TARS3: variants seen among roughly 807,000 people sequenced by gnomAD.
TARS3 encodes threonyl-tRNA synthetase 3, also known as threonine--tRNA ligase 2, cytoplasmic.
In TARS3, 94 loss-of-function variants were observed where a neutral mutation model predicts 103.5. The observed-to-expected ratio is 0.91, with a 90% CI of 0.77 to 1.08. TARS3 has a LOEUF of 1.08. TARS3 is among the 50% of genes least tolerant of loss of function. The pLI, the probability that TARS3 is intolerant of heterozygous loss-of-function variation, is 0.00. For missense variants in TARS3, 952 were observed against 995.2 expected, an observed-to-expected ratio of 0.96 and a Z score of 0.58; for synonymous variants, 416 against 355.4, an observed-to-expected ratio of 1.17 and a Z score of -1.92.
intron 12 of TARS3, among the ~76,000 whole-genome samples, chr15:101,679,228 C>A (rs771766057): frequency 6.6e-5 from 10 of 152,138 alleles, no homozygotes; most frequent in Non-Finnish European, 1.3e-4. Context: ...TTTTCACTCC[C>A]ACCTTCAGTC....
At chr15:101,665,119 A>G (rs1897530999) in intron 15 of TARS3, among the ~76,000 whole-genome samples, 2 of 152,250 alleles carry the variant, frequency 1.3e-5, no homozygotes, top group African/African-American at 4.8e-5. Flanking sequence ...AAATACCAAA[A>G]GGTCTAATAT....
At chr15:101,678,022 C>T (rs1312470886) in intron 12 of TARS3, among the ~76,000 whole-genome samples, 1 of 150,888 alleles carries the variant, frequency 6.6e-6, no homozygotes, top group Non-Finnish European at 1.5e-5. Flanking sequence ...TCACTGTCAC[C>T]CAGGCTGGAG....
intron 13 of TARS3, among the ~76,000 whole-genome samples, chr15:101,672,052 C>T (rs975063303): frequency 3.9e-5 from 6 of 152,084 alleles, no homozygotes; most frequent in Admixed American, 3.9e-4. Context: ...AACACAGGCC[C>T]CCTGTGCCCT....
At chr15:101,682,763 C>T (rs1473661791) in intron 12 of TARS3, among the ~76,000 whole-genome samples, 1 of 152,100 alleles carries the variant, frequency 6.6e-6, no homozygotes, top group Admixed American at 6.5e-5. Flanking sequence ...CCATCTTGGC[C>T]TGGAGTTTTC....
intron 12 of TARS3, among the ~76,000 whole-genome samples, chr15:101,677,833 T>C (rs536145533): frequency 6.6e-6 from 1 of 151,792 alleles, no homozygotes; most frequent in South Asian, 2.1e-4. Flanking sequence ...GGTTTCTCCA[T>C]GTTAGTCAGT....
intron 12 of TARS3, among the ~76,000 whole-genome samples, chr15:101,679,804 ACAGTTACTGG>A (rs1898184625): frequency 1.3e-5 from 2 of 152,172 alleles, no homozygotes; most frequent in South Asian, 4.1e-4. Flanking sequence ...ACAGTACTGG[ACAGTTACTGG>A]CAAGTGGGAA....
In TARS3 at chr15:101,701,091, T is replaced by G; in HGVS notation, c.1315A>C (p.Ile439Leu). ...AFIYNTLTDF[I>L]REEYHKRDFT... ...ACATTTTAAAGTTAACTTACTCGTATGAAATCTGTAAGCGTATTATAAATG... is the reference window on the plus strand; with the variant it reads ...ACATTTTAAAGTTAACTTACTCGTAGGAAATCTGTAAGCGTATTATAAATG... Residue 439 changes from isoleucine (I) to leucine (L), a missense_variant, in exon 10 of 19, where the codon ATA (isoleucine) becomes CTA (leucine). This residue lies in a region of TARS3 where 540 missense variants were observed against 631.0 expected (regional missense o/e 0.86). Coordinates refer to ENST00000335968, the MANE Select transcript of TARS3 (RefSeq NM_152334.3). The G allele has an allele frequency of 6.5e-7, 1 of 1,542,126 alleles. No individual in the cohort carries two copies. Among genetic ancestry groups the G allele is most frequent in the South Asian group, 1.3e-5 (1 of 78,838 alleles).
intron 5 of TARS3, among the ~76,000 whole-genome samples, chr15:101,710,949 G>A (rs951968763): frequency 1.3e-5 from 2 of 152,168 alleles, no homozygotes; most frequent in African/African-American, 4.8e-5. Flanking sequence ...GGCAGTTGGA[G>A]GTACCCTAGG....
At chr15:101,691,106 T>G (rs1032832292) in intron 10 of TARS3, among the ~76,000 whole-genome samples, 1 of 150,516 alleles carries the variant, frequency 6.6e-6, no homozygotes, top group Non-Finnish European at 1.5e-5. Context: ...GCCTGGCTAA[T>G]TTTTTTGCAT....
chr15:101,672,011 T>C (rs186332110), intron 13 of TARS3, among the ~76,000 whole-genome samples: 8 of 152,246 alleles, frequency 5.3e-5, no homozygotes, highest in African/African-American at 1.9e-4. Context: ...CAGGTAAGCA[T>C]TAGGGAGGGG....
At chr15:101,657,083 C>T in intron 17 of TARS3, 47 bp from the exon 18 acceptor site, 1 of 1,268,384 alleles carries the variant, frequency 7.9e-7, no homozygotes, top group Non-Finnish European at 1.1e-6. Flanking sequence ...GGTACCTAGC[C>T]TCCAAGAAGA....
intron 15 of TARS3, among the ~76,000 whole-genome samples, chr15:101,662,657 C>T (rs986184332): frequency 5.3e-5 from 8 of 152,238 alleles, no homozygotes; most frequent in East Asian, 3.9e-4. Context: ...TAGGGGTGAG[C>T]GGCTTGAGTC....
chr15:101,700,317 T>C (rs1286664063), intron 10 of TARS3, among the ~76,000 whole-genome samples: 1 of 152,220 alleles, frequency 6.6e-6, no homozygotes, highest in Admixed American at 6.5e-5. Context: ...AGTAGGTATT[T>C]TGCACTGTTG....
chr15:101,703,074 C>T (rs556787112), intron 8 of TARS3, among the ~76,000 whole-genome samples: 1 of 152,158 alleles, frequency 6.6e-6, no homozygotes, highest in Non-Finnish European at 1.5e-5. Flanking sequence ...TTAGCCAGCC[C>T]CATTTTACCT....
In TARS3 at chr15:101,676,834, C is replaced by A. The variant is rs144419893; in HGVS notation, c.1651-1097G>T. ...TTTTTTTTTTAAGTTCCTGGGTGCA[C>A]GTGCAGGATGTGTAGTTTGTTACAT... On this transcript the variant is annotated intron_variant, in intron 12 of 18. Coordinates refer to ENST00000335968, the MANE Select transcript of TARS3 (RefSeq NM_152334.3). Among the ~76,000 whole-genome samples the A allele has an allele frequency of 2.9e-4, 44 of 149,782 alleles. 1 individual carries two copies. The East Asian group carries it at 6.5e-3, about 22-fold the overall frequency.
chr15:101,687,347 G>A (rs545275400), intron 10 of TARS3, among the ~76,000 whole-genome samples: 3 of 152,148 alleles, frequency 2.0e-5, no homozygotes, highest in African/African-American at 7.2e-5. Flanking sequence ...AGGTTGCAGT[G>A]AGCCAAGGTC....
intron 5 of TARS3, among the ~76,000 whole-genome samples, chr15:101,710,822 GA>G (rs139622314): frequency 0.016 from 2,390 of 152,246 alleles, 45 homozygotes; most frequent in African/African-American, 0.047. Context: ...AAGAGAAGGA[GA>G]GGGGGGTGGG....
At chr15:101,715,221 A>C (rs1220049746) in intron 3 of TARS3, among the ~76,000 whole-genome samples, 6 of 146,214 alleles carry the variant, frequency 4.1e-5, no homozygotes, top group South Asian at 2.2e-4. Flanking sequence ...ATCTCGGCTC[A>C]CTGCAAGCTC....
intron 4 of TARS3, among the ~76,000 whole-genome samples, chr15:101,712,366 G>A (rs1899911296): frequency 1.3e-5 from 2 of 152,174 alleles, no homozygotes; most frequent in African/African-American, 4.8e-5. Flanking sequence ...TAGGAGGAAG[G>A]CCGAGGAGTG....
Sources: allele counts gnomAD v4.1 joint callset (sites outside exome capture counted in the v4.1 genomes callset), GRCh38; gene constraint gnomAD v4.1.1; regional missense constraint gnomAD v4.1.1; transcripts MANE v1.5; gene names NCBI Gene and HGNC (gene_info 2026-07-23, HGNC 2026-07-21).